The following COL24A1 variants were observed in gnomAD, a reference collection of about 807,000 sequenced individuals.
The protein encoded by COL24A1 is collagen type XXIV alpha 1 chain.
A neutral mutation model predicts 253.9 loss-of-function variants in COL24A1; 224 were observed. That is an observed-to-expected ratio of 0.88 (90% confidence interval 0.79 to 0.99). The LOEUF is 0.99. Ranked by LOEUF, COL24A1 falls within the 50% of genes least tolerant of loss-of-function variation. The pLI is 0.00. For missense variants in COL24A1, 2,131 were observed against 2,068.5 expected (o/e 1.03, Z -0.59); for synonymous variants, 685 against 673.7 (o/e 1.02, Z -0.26).
chr1:86,025,831 C>T (rs1697977781), intron 14 of COL24A1, among the ~76,000 whole-genome samples: 1 of 152,118 alleles, frequency 6.6e-6, no homozygotes, highest in East Asian at 1.9e-4. Flanking sequence ...TGTATTTGAA[C>T]ACAGCATTTT....
intron 19 of COL24A1, among the ~76,000 whole-genome samples, chr1:86,003,678 C>T (rs1296784512): frequency 6.6e-6 from 1 of 150,556 alleles, no homozygotes; most frequent in African/African-American, 2.4e-5. Flanking sequence ...AGTGTACCAG[C>T]TCATCATCTT....
chr1:86,113,885 G>A (rs1271729516), intron 4 of COL24A1, among the ~76,000 whole-genome samples: 1 of 143,938 alleles, frequency 6.9e-6, no homozygotes, highest in East Asian at 2.1e-4. Flanking sequence ...ATGGTTAGAT[G>A]TTATGACTTA....
chr1:85,779,523 C>CAA (rs916684784), intron 52 of COL24A1, among the ~76,000 whole-genome samples: 36 of 152,182 alleles, frequency 2.4e-4, no homozygotes, highest in Admixed American at 1.5e-3. Flanking sequence ...ACATAAGAAC[C>CAA]TGGTCTTGGA....
intron 53 of COL24A1, among the ~76,000 whole-genome samples, chr1:85,770,127 C>A (rs974455894): frequency 3.9e-5 from 6 of 152,130 alleles, no homozygotes; most frequent in Admixed American, 3.9e-4. Context: ...TATGCTCTTG[C>A]TTCCTGTTAC....
At position 86,017,212 on chromosome 1, in the gene COL24A1, G is replaced by C. The variant is rs757339745; in HGVS notation, c.2257-8C>G. 19 of 1,528,718 alleles carry C rather than the reference G, an allele frequency of 1.2e-5. No individual in the cohort carries two copies. The highest frequency in any genetic ancestry group is 2.3e-5 in the Admixed American group (1 of 43,136). 94.7% of individuals were successfully genotyped at this position (1,528,718 alleles called of 1,614,324 possible). On this transcript the variant is annotated splice_polypyrimidine_tract_variant and splice_region_variant and intron_variant, in intron 18 of 59. Coordinates refer to ENST00000370571, the MANE Select transcript of COL24A1 (RefSeq NM_152890.7). ...TGGGTCACCTGTTTGGCCCTAAAATGGGGGGGGAGGATCAAAGTATAAACA... is the reference window on the plus strand; with the variant it reads ...TGGGTCACCTGTTTGGCCCTAAAATCGGGGGGGAGGATCAAAGTATAAACA...
intron 45 of COL24A1, 65 bp downstream of exon 45, chr1:85,823,471 T>C (rs182358438): frequency 2.0e-4 from 292 of 1,448,362 alleles, no homozygotes; most frequent in Non-Finnish European, 4.4e-5. Flanking sequence ...AGTAACTCCT[T>C]GTGCTCCTGC....
rs926359265 is a variant in COL24A1, at chr1:85,868,560, T to C, written c.3259A>G (p.Ile1087Val). 2.5e-6 allele frequency: 4 copies of C among 1,613,816 alleles called. No individual in the cohort carries two copies. Among genetic ancestry groups the C allele is most frequent in the African/African-American group, 1.3e-5 (1 of 74,918 alleles). The stretch of plus-strand genomic sequence containing the variant: ...CCTGATCTACCCAAGGGTCCTATAA[T>C]TCCTGGTAAGCCCATCTCTCCTTTT... Reference protein sequence around the residue: ...GEKGEMGLPGIIGPLGRSGQT... With the variant: ...GEKGEMGLPGVIGPLGRSGQT... Residue 1087 changes from isoleucine to valine, a missense_variant, in exon 37 of 60, where the codon ATT becomes GTT. Transcript: ENST00000370571.
chr1:86,015,243 T>C (rs1000154558), intron 19 of COL24A1, among the ~76,000 whole-genome samples: 1 of 152,182 alleles, frequency 6.6e-6, no homozygotes, highest in African/African-American at 2.4e-5. Context: ...GCATCAGTTC[T>C]TGACAGAGTA....
intron 3 of COL24A1, among the ~76,000 whole-genome samples, chr1:86,122,099 C>T (rs1158975178): frequency 6.9e-6 from 1 of 144,886 alleles, no homozygotes; most frequent in Admixed American, 6.9e-5. Flanking sequence ...TACCTTTAGT[C>T]TTCTACACTG....
intron 18 of COL24A1, among the ~76,000 whole-genome samples, chr1:86,018,401 A>G (rs1697191352): frequency 6.6e-6 from 1 of 152,210 alleles, no homozygotes; most frequent in South Asian, 2.1e-4. Context: ...AAAATCTGTG[A>G]TCCATCAGAA....
At chr1:85,952,960 A>G (rs933074543) in intron 24 of COL24A1, among the ~76,000 whole-genome samples, 2 of 152,214 alleles carry the variant, frequency 1.3e-5, no homozygotes, top group African/African-American at 2.4e-5. Flanking sequence ...TAATTCAGCC[A>G]TCACCTTCTC....
intron 18 of COL24A1, among the ~76,000 whole-genome samples, chr1:86,019,558 TA>T (rs757134682): frequency 1.5e-5 from 2 of 133,882 alleles, no homozygotes; most frequent in Non-Finnish European, 3.2e-5. Flanking sequence ...GCCCTGTCTC[TA>T]AAAATTTTTT....
chr1:86,135,602 C>T (rs1359138040), intron 2 of COL24A1, among the ~76,000 whole-genome samples: 1 of 151,792 alleles, frequency 6.6e-6, no homozygotes, highest in Non-Finnish European at 1.5e-5. Flanking sequence ...TCCCTTTGTG[C>T]TCCTTCCCAT....
At chr1:86,135,153 C>T (rs1384797692) in intron 2 of COL24A1, among the ~76,000 whole-genome samples, 3 of 151,828 alleles carry the variant, frequency 2.0e-5, no homozygotes, top group Admixed American at 6.6e-5. Context: ...TCTGTTTTAT[C>T]AGAGGCTAGG....
intron 47 of COL24A1, among the ~76,000 whole-genome samples, chr1:85,803,934 T>C (rs146194450): frequency 6.6e-6 from 1 of 152,162 alleles, no homozygotes; most frequent in South Asian, 2.1e-4. Flanking sequence ...CATATAAATA[T>C]GAGAAGGTAA....
chr1:85,840,104 C>T (rs1676436099), intron 42 of COL24A1, among the ~76,000 whole-genome samples: 2 of 152,082 alleles, frequency 1.3e-5, no homozygotes, highest in South Asian at 4.1e-4. Flanking sequence ...AGTTTCATGC[C>T]TGTCCCGTGT....
Position 85,842,072 on chromosome 1 carries a change from T to C in COL24A1, c.3566A>G (p.Glu1189Gly). 1 of 1,613,448 alleles carries C rather than the reference T, an allele frequency of 6.2e-7. No individual in the cohort carries two copies. The highest frequency in any genetic ancestry group is 8.5e-7 in the Non-Finnish European group (1 of 1,179,504). Residue 1189 changes from glutamate to glycine, a missense_variant, in exon 41 of 60, where the codon GAA becomes GGA. Transcript: ENST00000370571. Reference protein sequence around the residue: ...GPSGLPGPKGEKGYPGEDSTV... With the variant: ...GPSGLPGPKGGKGYPGEDSTV... The stretch of plus-strand genomic sequence containing the variant: ...AAAGCCAATATATACACAAACCTTT[T>C]CTCCTTTAGGTCCTGGCAATCCAGA...
rs1349431495 is a variant in COL24A1, at chr1:85,908,605, C to A, written c.2717G>T (p.Gly906Val). The A allele has an allele frequency of 7.4e-6, 11 of 1,479,688 alleles. No homozygotes were observed. The South Asian group carries it at 1.5e-4, about 21-fold the overall frequency. The allele number at this position is 1,479,688 out of a possible 1,614,324, so 91.7% of individuals were successfully genotyped here. Residue 906 changes from glycine (G) to valine (V), a missense_variant, in exon 27 of 60, where the codon GGA becomes GTA. Coordinates refer to ENST00000370571, the MANE Select transcript of COL24A1 (RefSeq NM_152890.7). Reference sequence around the variant, plus strand: ...AGTCTTTCCTGTACTTACAGGTAATCCCAATGGACCGATAGGTCCTGGAAC... The same window carrying A: ...AGTCTTTCCTGTACTTACAGGTAATACCAATGGACCGATAGGTCCTGGAAC... ...PGVPGPIGPL[G>V]LPGHVGARGP...
At chr1:85,988,769 A>G (rs1374763690) in intron 19 of COL24A1, among the ~76,000 whole-genome samples, 1 of 152,144 alleles carries the variant, frequency 6.6e-6, no homozygotes, top group African/African-American at 2.4e-5. Context: ...GGAAAGAAAA[A>G]CAAATAATAA....
Sources: gnomAD v4.1 joint callset for allele counts (sites outside exome capture counted in the v4.1 genomes callset) on GRCh38, gnomAD v4.1.1 for gene constraint, MANE v1.5 for transcripts, NCBI Gene and HGNC (gene_info 2026-07-23, HGNC 2026-07-21) for gene names.